The following CDH19 variants were observed in gnomAD, a reference collection of about 807,000 sequenced individuals.
The protein encoded by CDH19 is cadherin 19.
Under a neutral mutation model 64.2 loss-of-function variants are expected in CDH19, and 67 were observed. The observed-to-expected ratio is 1.04, with a 90% CI of 0.86 to 1.28. CDH19 has a LOEUF of 1.28. CDH19 is among the 50% of genes most tolerant of loss of function. CDH19 has a pLI of 0.00. For missense variants in CDH19, 1,030 were observed against 929.0 expected, an observed-to-expected ratio of 1.11 and a Z score of -1.41; for synonymous variants, 346 against 319.3, an observed-to-expected ratio of 1.08 and a Z score of -0.89.
intron 3 of CDH19, among the ~76,000 whole-genome samples, chr18:66,561,768 A>T (rs982998651): frequency 2.0e-5 from 3 of 152,100 alleles, no homozygotes; most frequent in African/African-American, 7.2e-5. Context: ...TTAGAATCAT[A>T]CTTTAATTAG....
intron 9 of CDH19, among the ~76,000 whole-genome samples, chr18:66,518,882 C>G (rs999941213): frequency 2.0e-5 from 3 of 151,560 alleles, no homozygotes; most frequent in Non-Finnish European, 4.4e-5. Flanking sequence ...TTTTAAAAAC[C>G]TGCATTTTGA....
At chr18:66,595,077 A>C (rs1988849203) in intron 1 of CDH19, among the ~76,000 whole-genome samples, 1 of 151,902 alleles carries the variant, frequency 6.6e-6, no homozygotes, top group East Asian at 1.9e-4. Flanking sequence ...AAATTAAACA[A>C]ATTGCTCCTG....
At chr18:66,547,039 G>C (rs58803287) in intron 5 of CDH19, among the ~76,000 whole-genome samples, 1 of 152,064 alleles carries the variant, frequency 6.6e-6, no homozygotes. Flanking sequence ...ATGATCAGAC[G>C]TGCATTTTAA....
chr18:66,591,184 T>C (rs1420579650), intron 1 of CDH19, among the ~76,000 whole-genome samples: 1 of 151,896 alleles, frequency 6.6e-6, no homozygotes, highest in African/African-American at 2.4e-5. Context: ...ATAAATCCCA[T>C]TAAAAATAAC....
Position 66,544,191 on chromosome 18 carries a change from T to C in CDH19, c.994A>G (p.Ile332Val), listed in dbSNP as rs1341786110. The change falls in exon 7 of 12, where the codon ATT (isoleucine) becomes GTT (valine). Residue 332 changes from isoleucine (I) to valine (V), a missense_variant. By Grantham distance (29) the Ile-to-Val change is conservative (BLOSUM62 3). Transcript: ENST00000262150. ...VDFEHQNHYG[I>V]RAKVKNHHVP... is the part of the protein sequence containing the mutation. ...TGATGGTTTTTAACTTTTGCTCTAA[T>C]ACCGTAGTGGTTCTGGTGCTCAAAA... 2 of 1,613,784 alleles carry C rather than the reference T, an allele frequency of 1.2e-6. No homozygotes were observed. Among genetic ancestry groups the C allele is most frequent in the South Asian group, 2.2e-5 (2 of 91,072 alleles).
intron 9 of CDH19, among the ~76,000 whole-genome samples, chr18:66,519,064 TCTTAA>T (rs1985866634): frequency 6.6e-6 from 1 of 152,160 alleles, no homozygotes; most frequent in Non-Finnish European, 1.5e-5. Context: ...ATAGTGGAGT[TCTTAA>T]CTTTTGTTTT....
At chr18:66,555,729 A>T (rs1412679999) in intron 3 of CDH19, among the ~76,000 whole-genome samples, 2 of 151,850 alleles carry the variant, frequency 1.3e-5, no homozygotes, top group East Asian at 3.9e-4. Context: ...GTAATTTGTG[A>T]AAGTTTTTCC....
intron 3 of CDH19, among the ~76,000 whole-genome samples, chr18:66,566,873 G>A (rs500289): frequency 0.25 from 38,130 of 151,570 alleles, 6,642 homozygotes; most frequent in African/African-American, 0.49. Context: ...CTCATTCATT[G>A]CCATGCCTGA....
chr18:66,603,119 C>T (rs1329076486), intron 1 of CDH19, among the ~76,000 whole-genome samples: 1 of 150,254 alleles, frequency 6.7e-6, no homozygotes, highest in Admixed American at 6.6e-5. Context: ...TAAAGAAAAC[C>T]TTTGCCACTC....
chr18:66,592,998 G>T (rs1217907843), intron 1 of CDH19, among the ~76,000 whole-genome samples: 1 of 151,466 alleles, frequency 6.6e-6, no homozygotes, highest in East Asian at 1.9e-4. Context: ...TTACATAATG[G>T]CTGTACTATT....
At chr18:66,532,489 T>TACACACACACAC (rs34280650) in intron 8 of CDH19, 5,289 of 146,668 alleles carry the variant, frequency 0.036, 103 homozygotes, top group African/African-American at 0.052. Context: ...AGAGCATTCA[T>TACACACACACAC]ACACACACAC....
intron 1 of CDH19, among the ~76,000 whole-genome samples, chr18:66,602,944 AAAG>A (rs1989073295): frequency 6.6e-6 from 1 of 151,570 alleles, no homozygotes. Flanking sequence ...GAATTTGAAA[AAAG>A]AATATATTAA....
intron 3 of CDH19, among the ~76,000 whole-genome samples, chr18:66,567,174 A>G (rs1987941522): frequency 6.6e-6 from 1 of 151,910 alleles, no homozygotes; most frequent in Non-Finnish European, 1.5e-5. Context: ...TAACTCCTTT[A>G]TCTCCTTTAC....
At chr18:66,569,571 C>T (rs943119175) in intron 2 of CDH19, among the ~76,000 whole-genome samples, 31 of 151,696 alleles carry the variant, frequency 2.0e-4, no homozygotes, top group African/African-American at 7.2e-4. Flanking sequence ...CACTCATTTT[C>T]ATATTTTCAA....
At chr18:66,517,850 A>T (rs892061179) in intron 9 of CDH19, among the ~76,000 whole-genome samples, 5 of 152,032 alleles carry the variant, frequency 3.3e-5, no homozygotes, top group Non-Finnish European at 7.4e-5. Flanking sequence ...ACATTACTAA[A>T]ATTAACATTA....
chr18:66,593,646 A>G (rs533410401), intron 1 of CDH19, among the ~76,000 whole-genome samples: 47 of 152,262 alleles, frequency 3.1e-4, no homozygotes, highest in African/African-American at 1.1e-3. Context: ...TTTGTCACTG[A>G]AAGAGACCAC....
intron 9 of CDH19, among the ~76,000 whole-genome samples, chr18:66,523,187 T>A (rs975884540): frequency 1.3e-5 from 2 of 152,126 alleles, no homozygotes; most frequent in African/African-American, 4.8e-5. Context: ...ATTCCATATC[T>A]AGGACAGGAA....
Position 66,530,024 on chromosome 18 carries a change from G to T in CDH19, c.1337-58C>A, listed in dbSNP as rs971848275. On this transcript the variant is annotated intron_variant, in intron 8 of 11. Transcript: ENST00000262150. ...CATATTTTAATATGTCTTTAGAAGA[G>T]ACATCATTAAAATTACATTAGAGGC... 2.2e-5 allele frequency: 20 copies of T among 895,882 alleles called. No homozygotes were observed. In the African/African-American group the frequency reaches 2.7e-4, roughly 12 times the overall value. 55.5% of individuals were successfully genotyped at this position (895,882 alleles called of 1,614,324 possible). A position where few individuals can be genotyped will look rare whatever the true frequency, so the allele number is the denominator to read the frequency against.
intron 1 of CDH19, among the ~76,000 whole-genome samples, chr18:66,591,764 TG>T (rs1988753445): frequency 6.6e-6 from 1 of 151,912 alleles, no homozygotes; most frequent in Non-Finnish European, 1.5e-5. Context: ...AAAGTCATAT[TG>T]GTATTTGAGG....
Sources: allele counts gnomAD v4.1 joint callset (sites outside exome capture counted in the v4.1 genomes callset), GRCh38; gene constraint gnomAD v4.1.1; transcripts MANE v1.5; gene names NCBI Gene and HGNC (gene_info 2026-07-23, HGNC 2026-07-21).